GRM8: variants seen among roughly 807,000 people sequenced by gnomAD.
GRM8 encodes the protein metabotropic glutamate receptor 8.
A neutral mutation model predicts 87.2 loss-of-function variants in GRM8; 47 were observed. The ratio of observed to expected loss-of-function variants is 0.54; its 90% confidence interval spans 0.43 to 0.69. GRM8 has a LOEUF of 0.69. Ranked by LOEUF, GRM8 falls within the 30% of genes least tolerant of loss-of-function variation. The probability of loss-of-function intolerance (pLI) is 0.00; values close to 1 mark genes in which losing one functional copy is unlikely to be tolerated. For missense variants in GRM8, 1,019 were observed against 1,139.2 expected, an observed-to-expected ratio of 0.89 and a Z score of 1.52; for synonymous variants, 396 against 404.5, an observed-to-expected ratio of 0.98 and a Z score of 0.25.
chr7:126,657,420 C>G (rs1314022644), intron 7 of GRM8, among the ~76,000 whole-genome samples: 5 of 152,130 alleles, frequency 3.3e-5, no homozygotes, highest in African/African-American at 9.7e-5. Flanking sequence ...AAACAACCCC[C>G]CCCCAAAAAA....
chr7:127,203,858 G>C (rs537670671), intron 2 of GRM8, among the ~76,000 whole-genome samples: 28 of 151,988 alleles, frequency 1.8e-4, no homozygotes, highest in African/African-American at 6.5e-4. Context: ...AAGGGAGTGG[G>C]AGAGACAGAA....
intron 3 of GRM8, among the ~76,000 whole-genome samples, chr7:126,964,183 T>G (rs1450722115): frequency 8.0e-6 from 1 of 124,272 alleles, no homozygotes; most frequent in Non-Finnish European, 2.0e-5. Context: ...GATTAAAGAC[T>G]TAAATGTAAG....
intron 7 of GRM8, among the ~76,000 whole-genome samples, chr7:126,643,307 AAAAAAAAAAAAAAT>A (rs1486211048): frequency 8.6e-5 from 3 of 35,020 alleles, no homozygotes; most frequent in African/African-American, 2.7e-4. Flanking sequence ...AAAAAAAAAA[AAAAAAAAAAAAAAT>A]ATATATATAT....
Position 126,931,468 on chromosome 7 carries a change from A to G in GRM8, c.728-26785T>C, listed in dbSNP as rs111456114. On this transcript the variant is annotated intron_variant, in intron 3 of 10. Coordinates refer to ENST00000339582, the MANE Select transcript of GRM8 (RefSeq NM_000845.3). ...TAGCTTGTAACTAGGTTAACAAACA[A>G]TAGATTAATAGCATTTCATATCATT... 8.6e-3 allele frequency among the ~76,000 whole-genome samples: 1,311 copies of G among 152,358 alleles called. 9 individuals are homozygous for G. Among genetic ancestry groups the G allele is most frequent in the African/African-American group, 0.029 (1,216 of 41,586 alleles).
At chr7:126,467,555 G>T (rs909622070) in intron 9 of GRM8, among the ~76,000 whole-genome samples, 1 of 151,668 alleles carries the variant, frequency 6.6e-6, no homozygotes, top group East Asian at 1.9e-4. Flanking sequence ...CTATTGAATT[G>T]TTGCTTCCAC....
At chr7:126,479,475 T>C (rs1330865231) in intron 9 of GRM8, among the ~76,000 whole-genome samples, 5 of 152,132 alleles carry the variant, frequency 3.3e-5, no homozygotes, top group African/African-American at 4.8e-5. Flanking sequence ...CCTCATACTA[T>C]ATGCAATCTT....
chr7:126,962,887 C>G (rs535201722), intron 3 of GRM8, among the ~76,000 whole-genome samples: 1 of 152,162 alleles, frequency 6.6e-6, no homozygotes, highest in African/African-American at 2.4e-5. Context: ...GTACTCAAGA[C>G]GGTTATGTTC....
intron 9 of GRM8, chr7:126,512,153 C>T (rs956884441): frequency 1.3e-5 from 2 of 152,010 alleles, no homozygotes; most frequent in Non-Finnish European, 2.9e-5. Flanking sequence ...GAAAATTGGC[C>T]ATTGTGTATA....
chr7:127,050,998 G>T (rs545421686), intron 3 of GRM8, among the ~76,000 whole-genome samples: 1 of 151,604 alleles, frequency 6.6e-6, no homozygotes, highest in African/African-American at 2.4e-5. Flanking sequence ...CAAGCTAGTA[G>T]ATTTTTGAAT....
chr7:126,469,205 TGAAAA>T lies in GRM8; in HGVS notation c.2431-22838_2431-22834del, dbSNP rs1563040106. Among the ~76,000 whole-genome samples, 293 of 152,240 alleles carry T rather than the reference TGAAAA, an allele frequency of 1.9e-3. 2 individuals are homozygous for T. Among genetic ancestry groups the T allele is most frequent in the African/African-American group, 6.3e-3 (261 of 41,574 alleles). ...TAGATGGCTATCACATTCTATCTTA[TGAAAA>T]GTCTTCTGAGATTCTCTAACAAATA... On this transcript the variant is annotated intron_variant, in intron 9 of 10. Transcript: ENST00000339582.
chr7:126,696,650 C>T (rs1724744102), intron 7 of GRM8, among the ~76,000 whole-genome samples: 1 of 152,024 alleles, frequency 6.6e-6, no homozygotes, highest in African/African-American at 2.4e-5. Flanking sequence ...GAAACTGGAA[C>T]ATGTTTATTT....
intron 7 of GRM8, among the ~76,000 whole-genome samples, chr7:126,619,552 A>G (rs1799895658): frequency 1.3e-5 from 2 of 152,246 alleles, no homozygotes. Context: ...TTTACATTAA[A>G]AAAAGAAATA....
chr7:127,054,371 C>T (rs1819775829), intron 3 of GRM8, among the ~76,000 whole-genome samples: 1 of 152,120 alleles, frequency 6.6e-6, no homozygotes. Context: ...GAATGACTGA[C>T]TTTGGAAATT....
intron 3 of GRM8, among the ~76,000 whole-genome samples, chr7:127,095,037 G>A (rs1824504561): frequency 6.6e-6 from 1 of 152,342 alleles, no homozygotes; most frequent in Admixed American, 6.5e-5. Context: ...CTTACCAGCT[G>A]TGTGAGAATA....
At chr7:126,895,690 G>A (rs886843112) in intron 6 of GRM8, among the ~76,000 whole-genome samples, 2 of 151,840 alleles carry the variant, frequency 1.3e-5, no homozygotes, top group African/African-American at 4.8e-5. Context: ...CTCCTATTTT[G>A]TTTTTTGCTT....
At chr7:127,104,755 A>C (rs1210194071) in intron 3 of GRM8, among the ~76,000 whole-genome samples, 4 of 152,220 alleles carry the variant, frequency 2.6e-5, no homozygotes, top group African/African-American at 9.7e-5. Flanking sequence ...AACAGGAGTA[A>C]TGAATGGCAC....
At chr7:126,855,932 T>A (rs1739791764) in intron 6 of GRM8, among the ~76,000 whole-genome samples, 1 of 152,112 alleles carries the variant, frequency 6.6e-6, no homozygotes. Context: ...AGGAAAACAC[T>A]CCTGGCTTCC....
At chr7:126,882,779 G>T (rs1800138753) in intron 6 of GRM8, among the ~76,000 whole-genome samples, 1 of 152,042 alleles carries the variant, frequency 6.6e-6, no homozygotes. Context: ...CACATTTGGA[G>T]CCATCAAAAT....
chr7:126,559,467 T>C (rs547870867), intron 8 of GRM8, among the ~76,000 whole-genome samples: 1 of 152,190 alleles, frequency 6.6e-6, no homozygotes, highest in African/African-American at 2.4e-5. Flanking sequence ...GCCACCACAC[T>C]GAGCCAGCTA....
Sources: gnomAD v4.1 joint callset for allele counts (sites outside exome capture counted in the v4.1 genomes callset) on GRCh38, gnomAD v4.1.1 for gene constraint, MANE v1.5 for transcripts, NCBI Gene and HGNC (gene_info 2026-07-23, HGNC 2026-07-21) for gene names.